The following PKP2 variants were observed in gnomAD, a reference collection of about 807,000 sequenced individuals.
The protein encoded by PKP2 is plakophilin 2.
A neutral mutation model predicts 83.4 loss-of-function variants in PKP2; 73 were observed. The ratio of observed to expected loss-of-function variants is 0.88; its 90% CI spans 0.72 to 1.06. PKP2 has a LOEUF of 1.06. Ranked by LOEUF, PKP2 falls within the 50% of genes least tolerant of loss-of-function variation. The pLI is 0.00. For missense variants in PKP2, 966 were observed against 1,065.4 expected, an observed-to-expected ratio of 0.91 and a Z score of 1.30; for synonymous variants, 409 against 430.4, an observed-to-expected ratio of 0.95 and a Z score of 0.62.
intron 4 of PKP2, among the ~76,000 whole-genome samples, chr12:32,852,708 T>A (rs1956711033): frequency 6.6e-6 from 1 of 152,172 alleles, no homozygotes; most frequent in African/African-American, 2.4e-5. Context: ...TGAGGAGACA[T>A]TTGCAGAACA....
In PKP2 at chr12:32,802,410, A is replaced by C; in HGVS notation, c.2160T>G (p.Asn720Lys). 1 of 1,614,058 alleles carries C rather than the reference A, an allele frequency of 6.2e-7. No homozygotes were observed. Among genetic ancestry groups the C allele is most frequent in the Non-Finnish European group, 8.5e-7 (1 of 1,179,968 alleles). ...ATACTTATACCGACTCACCAATTTCATTCTGCAGAGAAAGATTCCGGGACA... is the reference window on the plus strand; with the variant it reads ...ATACTTATACCGACTCACCAATTTCCTTCTGCAGAGAAAGATTCCGGGACA... The part of the protein sequence containing the change: ...RNLSRNLSLQ[N>K]EIAKETLPDL... The change falls in exon 10 of 13, where the codon AAT (asparagine) becomes AAG (lysine). Residue 720 changes from asparagine (N) to lysine (K), a missense_variant. By Grantham distance (94) the Asn-to-Lys change is moderately conservative. Coordinates refer to ENST00000340811, the MANE Select transcript of PKP2 (RefSeq NM_001005242.3).
At chr12:32,847,482 C>T (rs1357139392) in intron 5 of PKP2, among the ~76,000 whole-genome samples, 1 of 152,132 alleles carries the variant, frequency 6.6e-6, no homozygotes, top group Non-Finnish European at 1.5e-5. Flanking sequence ...TCTCCTATTG[C>T]CTATGCAGGA....
At chr12:32,890,439 C>A (rs574607959) in intron 1 of PKP2, among the ~76,000 whole-genome samples, 1 of 152,068 alleles carries the variant, frequency 6.6e-6, no homozygotes, top group Non-Finnish European at 1.5e-5. Flanking sequence ...CTTAGGTTAA[C>A]GAATGTTATT....
intron 6 of PKP2, among the ~76,000 whole-genome samples, chr12:32,836,502 C>A (rs1956546419): frequency 2.0e-5 from 3 of 152,188 alleles, no homozygotes; most frequent in Non-Finnish European, 4.4e-5. Flanking sequence ...AGCACCATTG[C>A]CACATGCAGA....
At position 32,896,435 on chromosome 12, in the gene PKP2, G is replaced by A. The variant is rs1368470425; in HGVS notation, c.223+74C>T. 7 of 1,168,318 alleles carry A rather than the reference G, an allele frequency of 6.0e-6. No homozygotes were observed. In the South Asian group the frequency reaches 8.5e-5, roughly 14 times the overall value. The allele number at this position is 1,168,318 out of a possible 1,614,324, so 72.4% of individuals were successfully genotyped here. ...GGGTCCCGCACTCCCAGCACGCGGGGTGAGGGCGGGATAGGAGGAGGTGAC... is the reference window on the plus strand; with the variant it reads ...GGGTCCCGCACTCCCAGCACGCGGGATGAGGGCGGGATAGGAGGAGGTGAC... On this transcript the variant is annotated intron_variant, in intron 1 of 12. Coordinates refer to ENST00000340811, the MANE Select transcript of PKP2 (RefSeq NM_001005242.3).
intron 1 of PKP2, among the ~76,000 whole-genome samples, chr12:32,884,022 T>A (rs1003609392): frequency 1.3e-5 from 2 of 152,104 alleles, no homozygotes; most frequent in African/African-American, 4.8e-5. Context: ...TCCAGAAGGA[T>A]CCTCCCTATA....
intron 5 of PKP2, chr12:32,843,163 G>A (rs1332817191): frequency 4.3e-6 from 2 of 466,186 alleles, no homozygotes; most frequent in Non-Finnish European, 4.3e-6. Context: ...TGTATTTTGA[G>A]TAGAGACAGG....
intron 6 of PKP2, among the ~76,000 whole-genome samples, chr12:32,834,976 C>CGT (rs10629969): frequency 0.078 from 9,303 of 119,374 alleles, 405 homozygotes; most frequent in East Asian, 0.19. Flanking sequence ...TCACAATAGG[C>CGT]GTGTGTGTGT....
intron 6 of PKP2, among the ~76,000 whole-genome samples, chr12:32,835,658 A>T (rs1366909535): frequency 6.6e-6 from 1 of 152,198 alleles, no homozygotes; most frequent in African/African-American, 2.4e-5. Flanking sequence ...TTGAAAAGGA[A>T]TGTTTTAGAG....
intron 5 of PKP2, among the ~76,000 whole-genome samples, chr12:32,842,706 G>A (rs1389529970): frequency 2.6e-5 from 4 of 151,840 alleles, no homozygotes; most frequent in African/African-American, 9.7e-5. Flanking sequence ...ATGGAGTACT[G>A]CTTTGTTGCC....
intron 5 of PKP2, among the ~76,000 whole-genome samples, chr12:32,843,886 GA>G (rs1162446263): frequency 6.6e-6 from 1 of 151,616 alleles, no homozygotes; most frequent in Non-Finnish European, 1.5e-5. Context: ...GAGAAATGAA[GA>G]AAAAAAACAA....
intron 6 of PKP2, 27 bp from the exon 7 acceptor site, chr12:32,824,189 AG>A: frequency 6.9e-7 from 1 of 1,449,892 alleles, no homozygotes; most frequent in South Asian, 1.1e-5. Flanking sequence ...AAAACAAAAA[AG>A]TAAGTCTAGG....
At chr12:32,861,563 TAAA>T (rs1956797972) in intron 4 of PKP2, among the ~76,000 whole-genome samples, 1 of 151,982 alleles carries the variant, frequency 6.6e-6, no homozygotes, top group South Asian at 2.1e-4. Context: ...GAAAGAAGAC[TAAA>T]AAAGAAAGAT....
At chr12:32,892,144 C>G (rs570622708) in intron 1 of PKP2, among the ~76,000 whole-genome samples, 3 of 152,048 alleles carry the variant, frequency 2.0e-5, no homozygotes, top group South Asian at 2.1e-4. Flanking sequence ...ACTTTCTGAA[C>G]GATTAGTCAC....
chr12:32,852,438 C>T (rs1167310515), intron 4 of PKP2, among the ~76,000 whole-genome samples: 3 of 152,008 alleles, frequency 2.0e-5, no homozygotes, highest in African/African-American at 2.4e-5. Context: ...ACTAGAAAGG[C>T]GGAAATAAAC....
chr12:32,841,315 A>T, intron 5 of PKP2, 110 bp from the exon 6 acceptor site: 2 of 886,776 alleles, frequency 2.3e-6, no homozygotes, highest in Non-Finnish European at 3.7e-6. Flanking sequence ...TCATAAAAAA[A>T]TTTGGGGGGT....
In PKP2 at chr12:32,844,291, C is replaced by A. The variant is rs1206336057; in HGVS notation, c.1379-3086G>T. Reference sequence around the variant, plus strand: ...AATTACATATGCTCATACACACATACCCTCACACAAAATCAGTGAGTAACC... The same window carrying A: ...AATTACATATGCTCATACACACATAACCTCACACAAAATCAGTGAGTAACC... On this transcript the variant is annotated intron_variant, in intron 5 of 12. Transcript: ENST00000340811. 4.6e-5 allele frequency among the ~76,000 whole-genome samples: 7 copies of A among 152,204 alleles called. No individual in the cohort carries two copies. In the East Asian group the frequency reaches 1.2e-3, roughly 25 times the overall value.
intron 4 of PKP2, among the ~76,000 whole-genome samples, chr12:32,854,413 G>C (rs1956727442): frequency 6.6e-6 from 1 of 152,188 alleles, no homozygotes; most frequent in Non-Finnish European, 1.5e-5. Context: ...ATAGATTTTA[G>C]TTACTTTCAT....
At chr12:32,838,904 T>C (rs1048244515) in intron 6 of PKP2, among the ~76,000 whole-genome samples, 2 of 152,214 alleles carry the variant, frequency 1.3e-5, no homozygotes, top group Non-Finnish European at 2.9e-5. Flanking sequence ...AGCTGGAAAA[T>C]GTTTCATAGA....
Sources: allele counts gnomAD v4.1 joint callset (sites outside exome capture counted in the v4.1 genomes callset), GRCh38; gene constraint gnomAD v4.1.1; transcripts MANE v1.5; gene names NCBI Gene and HGNC (gene_info 2026-07-23, HGNC 2026-07-21).